Variants in CADPS observed in about 807,000 individuals in gnomAD.
CADPS encodes the protein calcium-dependent secretion activator 1.
A neutral mutation model predicts 167.3 loss-of-function variants in CADPS; 57 were observed. The ratio of observed to expected loss-of-function variants is 0.34; its 90% CI spans 0.28 to 0.42. The LOEUF (loss-of-function observed/expected upper bound fraction) is 0.42. Among genes scored for constraint, CADPS ranks in the 20% least tolerant of loss-of-function variants. The pLI is 1.00. For missense variants in CADPS, 1,414 were observed against 1,738.1 expected, an observed-to-expected ratio of 0.81 and a Z score of 3.32; for synonymous variants, 676 against 635.3, an observed-to-expected ratio of 1.06 and a Z score of -0.96.
At chr3:62,453,433 C>A (rs1373325975) in intron 26 of CADPS, among the ~76,000 whole-genome samples, 1 of 152,132 alleles carries the variant, frequency 6.6e-6, no homozygotes, top group African/African-American at 2.4e-5. Flanking sequence ...TCAGGGTGAC[C>A]TTCTCAAGGT....
intron 6 of CADPS, among the ~76,000 whole-genome samples, chr3:62,631,382 C>T (rs1296609504): frequency 6.6e-6 from 1 of 152,168 alleles, no homozygotes; most frequent in East Asian, 1.9e-4. Flanking sequence ...ACAAAACACT[C>T]TATTTACAAA....
At chr3:62,475,607 A>AAC (rs1553787417) in intron 23 of CADPS, among the ~76,000 whole-genome samples, 4 of 150,564 alleles carry the variant, frequency 2.7e-5, no homozygotes, top group South Asian at 2.1e-4. Context: ...AAAAAAAAAA[A>AAC]AAAAACACCT....
intron 3 of CADPS, among the ~76,000 whole-genome samples, chr3:62,699,113 C>T (rs888106754): frequency 2.0e-5 from 3 of 151,922 alleles, no homozygotes; most frequent in African/African-American, 7.3e-5. Flanking sequence ...TATCCCTCAC[C>T]CCTCTCCCAC....
chr3:62,720,974 C>T (rs528705694), intron 3 of CADPS, among the ~76,000 whole-genome samples: 45 of 151,750 alleles, frequency 3.0e-4, no homozygotes, highest in Middle Eastern at 3.4e-3. Flanking sequence ...TCCACCACCA[C>T]GCCCGGCTAA....
At chr3:62,643,519 T>C (rs572896348) in intron 6 of CADPS, among the ~76,000 whole-genome samples, 1 of 152,364 alleles carries the variant, frequency 6.6e-6, no homozygotes, top group South Asian at 2.1e-4. Flanking sequence ...AGTATGTGTA[T>C]AAAACATGAA....
chr3:62,510,218 C>CTATCTATCTATA (rs1415658957), intron 17 of CADPS, among the ~76,000 whole-genome samples: 1 of 152,032 alleles, frequency 6.6e-6, no homozygotes, highest in East Asian at 1.9e-4. Context: ...ATCTATCTAT[C>CTATCTATCTATA]TATCTATCTG....
At position 62,585,241 on chromosome 3, in the gene CADPS, ATCTTGG is replaced by A; in HGVS notation, c.1515_1520del (p.Gln506_Asp507del). On this transcript the variant is annotated inframe_deletion, in exon 8 of 30. Transcript: ENST00000383710. The stretch of plus-strand genomic sequence containing the variant: ...TTCGGACAGCAAGTTTGATTTTGAG[ATCTTGG>A]TCGGGGCAGTTTTTGGAGACTGTCA... 1.2e-6 allele frequency: 2 copies of A among 1,613,886 alleles called. No homozygotes were observed. Among genetic ancestry groups the A allele is most frequent in the Non-Finnish European group, 1.7e-6 (2 of 1,179,906 alleles).
intron 3 of CADPS, among the ~76,000 whole-genome samples, chr3:62,706,624 T>C (rs987203030): frequency 5.3e-5 from 8 of 152,132 alleles, no homozygotes; most frequent in Admixed American, 1.3e-4. Flanking sequence ...CCCTAGCTTC[T>C]GATGCTTTGG....
chr3:62,753,193 A>G lies in CADPS; in HGVS notation c.888+248T>C, dbSNP rs1043060654. Among the ~76,000 whole-genome samples the G allele has an allele frequency of 6.6e-6, 1 of 152,210 alleles. No homozygotes were observed. Among genetic ancestry groups the G allele is most frequent in the African/African-American group, 2.4e-5 (1 of 41,456 alleles). On this transcript the variant is annotated intron_variant, in intron 3 of 29. Coordinates refer to ENST00000383710, the MANE Select transcript of CADPS (RefSeq NM_003716.4). The surrounding 1 kb of genome is among the most constrained non-coding windows in gnomAD (Gnocchi z 4.6). ...CATAGGGCCAACTTACCCATTAGAC[A>G]CAATGAGCTCAATGCCTAGGGCCCC...
Position 62,549,890 on chromosome 3 carries a change from C to G in CADPS, c.1966+13G>C. The G allele has an allele frequency of 6.2e-7, 1 of 1,602,732 alleles. No homozygotes were observed. Among genetic ancestry groups the G allele is most frequent in the Non-Finnish European group, 8.5e-7 (1 of 1,169,978 alleles). On this transcript the variant is annotated intron_variant, in intron 11 of 29. Coordinates refer to ENST00000383710, the MANE Select transcript of CADPS (RefSeq NM_003716.4). Reference sequence around the variant, plus strand: ...CTACAGAGCTATTTTTGTAAAACGGCATATTTACTTACAAAATTGAGAGAT... The same window carrying G: ...CTACAGAGCTATTTTTGTAAAACGGGATATTTACTTACAAAATTGAGAGAT...
chr3:62,623,750 T>A (rs747302496), intron 6 of CADPS, among the ~76,000 whole-genome samples: 4 of 152,136 alleles, frequency 2.6e-5, no homozygotes, highest in Non-Finnish European at 5.9e-5. Flanking sequence ...ACAAGAACAA[T>A]GAACATAAAT....
At chr3:62,832,821 C>A (rs2075313725) in intron 1 of CADPS, among the ~76,000 whole-genome samples, 1 of 152,220 alleles carries the variant, frequency 6.6e-6, no homozygotes, top group Non-Finnish European at 1.5e-5. Flanking sequence ...AAAAATCTCC[C>A]AATCTCGCAG....
chr3:62,399,383 A>G lies in CADPS; in HGVS notation c.*23T>C, dbSNP rs570008441. The G allele has an allele frequency of 4.3e-6, 7 of 1,612,832 alleles. No homozygotes were observed. In the African/African-American group the frequency reaches 8.0e-5, roughly 18 times the overall value. On this transcript the variant is annotated 3_prime_UTR_variant, in exon 30 of 30. Transcript: ENST00000383710. The surrounding 1 kb of genome is among the most constrained non-coding windows in gnomAD (Gnocchi z 5.6). ...TGCACTGATTACAGGACTCTGTCCCAGCAGACTCTAGGACCAAATGGTCTA... is the reference window on the plus strand; with the variant it reads ...TGCACTGATTACAGGACTCTGTCCCGGCAGACTCTAGGACCAAATGGTCTA...
At chr3:62,624,319 T>C (rs1435883223) in intron 6 of CADPS, among the ~76,000 whole-genome samples, 1 of 152,172 alleles carries the variant, frequency 6.6e-6, no homozygotes, top group East Asian at 1.9e-4. Flanking sequence ...TCTGAATCTC[T>C]TCTCCTCATT....
chr3:62,636,763 G>A (rs2066391438), intron 6 of CADPS, among the ~76,000 whole-genome samples: 1 of 152,182 alleles, frequency 6.6e-6, no homozygotes, highest in Non-Finnish European at 1.5e-5. Context: ...AGGCTGTAGA[G>A]GGCTGTGCCT....
intron 1 of CADPS, among the ~76,000 whole-genome samples, chr3:62,850,735 A>T (rs2078388612): frequency 6.6e-6 from 1 of 151,740 alleles, no homozygotes; most frequent in South Asian, 2.1e-4. Context: ...TGGTGCTGAA[A>T]AAAATGTATA....
intron 22 of CADPS, 131 bp downstream of exon 22, chr3:62,481,592 G>T: frequency 1.2e-6 from 1 of 821,948 alleles, no homozygotes; most frequent in Non-Finnish European, 1.8e-6. Context: ...TATTGTCTCT[G>T]TATGATCAGC....
rs77632103 is a variant in CADPS, at chr3:62,789,208, G to T, written c.442-23224C>A. ...ATCTGAGCTAGAGTTGGTGCCAAGAGCTTTATATGTACTATCCTGGGGGTT... is the reference window on the plus strand; with the variant it reads ...ATCTGAGCTAGAGTTGGTGCCAAGATCTTTATATGTACTATCCTGGGGGTT... On this transcript the variant is annotated intron_variant, in intron 1 of 29. Coordinates refer to ENST00000383710, the MANE Select transcript of CADPS (RefSeq NM_003716.4). 4.2e-3 allele frequency among the ~76,000 whole-genome samples: 637 copies of T among 152,252 alleles called. 3 individuals are homozygous for T. The highest frequency in any genetic ancestry group is 0.02 in the Middle Eastern group (6 of 294).
Position 62,583,650 on chromosome 3 carries a change from A to T in CADPS, c.1577+1535T>A, listed in dbSNP as rs536526393. ...ATGCAAAGCAAATTCTCTAAATCCA[A>T]ACCAAACCTTGGGTTGAGTCACTGG... On this transcript the variant is annotated intron_variant, in intron 8 of 29. Coordinates refer to ENST00000383710, the MANE Select transcript of CADPS (RefSeq NM_003716.4). Among the ~76,000 whole-genome samples, 3 of 152,142 alleles carry T rather than the reference A, an allele frequency of 2.0e-5. No homozygotes were observed. In the East Asian group the frequency reaches 5.8e-4, roughly 29 times the overall value.
Sources: allele counts gnomAD v4.1 joint callset (sites outside exome capture counted in the v4.1 genomes callset), GRCh38; gene constraint gnomAD v4.1.1; non-coding constraint Gnocchi (gnomAD v3.1); transcripts MANE v1.5; gene names NCBI Gene and HGNC (gene_info 2026-07-23, HGNC 2026-07-21).